The following SNAPC1 variants were observed in gnomAD, a reference collection of about 807,000 sequenced individuals.
SNAPC1 encodes the protein snRNA-activating protein complex subunit 1.
Under a neutral mutation model 50.1 loss-of-function variants are expected in SNAPC1, and 42 were observed. That is an observed-to-expected ratio of 0.84 (90% CI 0.65 to 1.08). The LOEUF (loss-of-function observed/expected upper bound fraction) is 1.08. Among genes scored for constraint, SNAPC1 ranks in the 50% least tolerant of loss-of-function variants. SNAPC1 has a pLI of 0.00. For synonymous variants in SNAPC1, 164 were observed against 144.2 expected, an observed-to-expected ratio of 1.14 and a Z score of -0.98; for missense variants, 477 against 427.3, an observed-to-expected ratio of 1.12 and a Z score of -1.02.
intron 4 of SNAPC1, among the ~76,000 whole-genome samples, chr14:61,770,375 TG>T (rs1441433575): frequency 2.0e-5 from 3 of 151,940 alleles, no homozygotes; most frequent in Non-Finnish European, 4.4e-5. Flanking sequence ...ACTGAGTAGC[TG>T]GGATTACAGT....
At chr14:61,792,782 A>G in intron 8 of SNAPC1, 25 bp from the exon 9 acceptor site, 2 of 1,280,148 alleles carry the variant, frequency 1.6e-6, no homozygotes, top group Non-Finnish European at 2.2e-6. Flanking sequence ...GCTTTCATAT[A>G]AAATCATTTT....
chr14:61,792,607 A>G (rs780790040), intron 8 of SNAPC1, among the ~76,000 whole-genome samples, 200 bp from the exon 9 acceptor site: 5 of 152,140 alleles, frequency 3.3e-5, no homozygotes, highest in African/African-American at 9.7e-5. Flanking sequence ...ACTAGAGACT[A>G]TTTTCAAAGT....
chr14:61,785,535 G>A (rs1290323701), intron 8 of SNAPC1, among the ~76,000 whole-genome samples: 1 of 152,172 alleles, frequency 6.6e-6, no homozygotes, highest in Non-Finnish European at 1.5e-5. Flanking sequence ...TATTTTGCCT[G>A]GGTTAAGGAT....
At chr14:61,771,053 A>G (rs1021393698) in intron 4 of SNAPC1, among the ~76,000 whole-genome samples, 2 of 152,132 alleles carry the variant, frequency 1.3e-5, no homozygotes, top group African/African-American at 4.8e-5. Context: ...ATATGGATAC[A>G]TTTTTAGGGT....
intron 1 of SNAPC1, among the ~76,000 whole-genome samples, chr14:61,765,064 T>C (rs2044936804): frequency 6.6e-6 from 1 of 152,238 alleles, no homozygotes; most frequent in Admixed American, 6.5e-5. Flanking sequence ...ATGTTTTATT[T>C]AAAATCTGGC....
intron 4 of SNAPC1, among the ~76,000 whole-genome samples, chr14:61,773,441 C>T (rs1477943962): frequency 1.3e-4 from 17 of 128,822 alleles, no homozygotes; most frequent in Admixed American, 9.4e-4. Context: ...CTCCCTCTGT[C>T]GCCCAGGCTG....
At chr14:61,762,682 G>T (rs998645332) in intron 1 of SNAPC1, 94 bp downstream of exon 1, 39 of 1,452,808 alleles carry the variant, frequency 2.7e-5, no homozygotes, top group Non-Finnish European at 3.6e-5. Flanking sequence ...GTGAAGGGCT[G>T]AGAAGAGCGG....
intron 4 of SNAPC1, among the ~76,000 whole-genome samples, chr14:61,772,988 A>G (rs751824656): frequency 2.6e-5 from 4 of 152,144 alleles, no homozygotes; most frequent in Non-Finnish European, 4.4e-5. Context: ...CTGGCTCTAT[A>G]TCTTTTGTCC....
intron 7 of SNAPC1, among the ~76,000 whole-genome samples, chr14:61,781,218 G>A (rs1239172058): frequency 6.6e-6 from 1 of 152,112 alleles, no homozygotes; most frequent in African/African-American, 2.4e-5. Context: ...GGGAGGCCGA[G>A]GTGGGCGGAT....
intron 9 of SNAPC1, among the ~76,000 whole-genome samples, chr14:61,793,106 A>G (rs1261941727): frequency 6.6e-6 from 1 of 152,222 alleles, no homozygotes; most frequent in Non-Finnish European, 1.5e-5. Context: ...AATGGTATGG[A>G]TACCCATTAG....
At chr14:61,785,809 A>G (rs1257528982) in intron 8 of SNAPC1, among the ~76,000 whole-genome samples, 3 of 152,184 alleles carry the variant, frequency 2.0e-5, no homozygotes, top group Non-Finnish European at 4.4e-5. Flanking sequence ...CTGCATTTTC[A>G]CATAAGCAAT....
At chr14:61,787,407 T>TA (rs1555342123) in intron 8 of SNAPC1, among the ~76,000 whole-genome samples, 41,025 of 151,580 alleles carry the variant, frequency 0.27, 6,135 homozygotes, top group South Asian at 0.42. Context: ...TTTTTTTTTT[T>TA]AAAGAAAATG....
Position 61,769,805 on chromosome 14 carries a change from C to G in SNAPC1, c.534+1065C>G, listed in dbSNP as rs138683315. ...TTGAGTGTACAGTATTGGGAAAAATCTTATGCATGGATAAGTAGTGTTACA... is the reference window on the plus strand; with the variant it reads ...TTGAGTGTACAGTATTGGGAAAAATGTTATGCATGGATAAGTAGTGTTACA... On this transcript the variant is annotated intron_variant, in intron 4 of 9. Transcript: ENST00000216294. 4.6e-3 allele frequency among the ~76,000 whole-genome samples: 694 copies of G among 152,236 alleles called. 4 individuals carry two copies. Among genetic ancestry groups the G allele is most frequent in the African/African-American group, 0.016 (651 of 41,514 alleles).
At chr14:61,776,773 A>G (rs569727868) in intron 5 of SNAPC1, among the ~76,000 whole-genome samples, 1 of 152,304 alleles carries the variant, frequency 6.6e-6, no homozygotes, top group South Asian at 2.1e-4. Flanking sequence ...GGCTTTTCCT[A>G]CTGTGATAGG....
chr14:61,765,517 AAGT>A (rs2044940575), intron 1 of SNAPC1, among the ~76,000 whole-genome samples: 1 of 152,190 alleles, frequency 6.6e-6, no homozygotes, highest in Non-Finnish European at 1.5e-5. Flanking sequence ...GGAAGACTGG[AAGT>A]GGGGAGGGAG....
intron 1 of SNAPC1, among the ~76,000 whole-genome samples, chr14:61,766,025 CAA>C (rs2044946125): frequency 6.6e-6 from 1 of 152,196 alleles, no homozygotes; most frequent in Middle Eastern, 3.2e-3. Flanking sequence ...GGTTCTGCTT[CAA>C]AGAGTTTCCT....
intron 8 of SNAPC1, among the ~76,000 whole-genome samples, chr14:61,783,082 G>A (rs1231837201): frequency 7.0e-6 from 1 of 143,038 alleles, no homozygotes; most frequent in African/African-American, 2.6e-5. Flanking sequence ...GAGTGCAATG[G>A]CACGATCTTG....
intron 9 of SNAPC1, among the ~76,000 whole-genome samples, chr14:61,793,582 T>A (rs181735656): frequency 6.6e-6 from 1 of 152,028 alleles, no homozygotes; most frequent in African/African-American, 2.4e-5. Context: ...TTTTTACTTG[T>A]CTTTTCTCTT....
At position 61,767,006 on chromosome 14, in the gene SNAPC1, A is replaced by G. The variant is rs768128467; in HGVS notation, c.259A>G (p.Asn87Asp). 9.4e-6 allele frequency: 15 copies of G among 1,598,386 alleles called. No homozygotes were observed. The highest frequency in any genetic ancestry group is 2.3e-5 in the South Asian group (2 of 87,518). ...GALYLLYGLYNTQLCQPKQKI... is the reference protein window; with the variant it reads ...GALYLLYGLYDTQLCQPKQKI... Reference sequence around the variant, plus strand: ...TTTGTATCTGCTATATGGATTATATAATACCCAACTGTGTCAACCAAAACA... The same window carrying G: ...TTTGTATCTGCTATATGGATTATATGATACCCAACTGTGTCAACCAAAACA... The change falls in exon 2 of 10, where the codon AAT (asparagine) becomes GAT (aspartate). Residue 87 changes from asparagine to aspartate, a missense_variant. Transcript: ENST00000216294.
Sources: allele counts gnomAD v4.1 joint callset (sites outside exome capture counted in the v4.1 genomes callset), GRCh38; gene constraint gnomAD v4.1.1; transcripts MANE v1.5; gene names NCBI Gene and HGNC (gene_info 2026-07-23, HGNC 2026-07-21).